Variants in ATP8A2 observed in about 807,000 individuals in gnomAD.
ATP8A2 encodes ATPase phospholipid transporting 8A2, also known as phospholipid-transporting ATPase IB.
A neutral mutation model predicts 165.6 loss-of-function variants in ATP8A2; 100 were observed. The observed-to-expected ratio is 0.60, with a 90% CI of 0.51 to 0.71. The LOEUF is 0.71. Ranked by LOEUF, ATP8A2 falls within the 30% of genes least tolerant of loss-of-function variation. ATP8A2 has a pLI of 0.00. For synonymous variants in ATP8A2, 543 were observed against 548.8 expected (o/e 0.99, Z 0.15); for missense variants, 1,227 against 1,479.5 (o/e 0.83, Z 2.80).
intron 1 of ATP8A2, among the ~76,000 whole-genome samples, chr13:25,463,332 A>G (rs967283232): frequency 6.6e-6 from 1 of 152,030 alleles, no homozygotes; most frequent in Non-Finnish European, 1.5e-5. Context: ...TTTCATGTTT[A>G]ATCCCTTATT....
chr13:25,550,553 C>G lies in ATP8A2; in HGVS notation c.892-785C>G, dbSNP rs538741813. Among the ~76,000 whole-genome samples, 8 of 152,298 alleles carry G rather than the reference C, an allele frequency of 5.3e-5. No individual in the cohort carries two copies. In the South Asian group the frequency reaches 1.7e-3, roughly 32 times the overall value. On this transcript the variant is annotated intron_variant, in intron 10 of 36. Coordinates refer to ENST00000381655, the MANE Select transcript of ATP8A2 (RefSeq NM_016529.6). ...TTGAATCTAGCCTTAATGAATCTTT[C>G]TATACTCTCCTGCCAACACTGGCCT...
intron 27 of ATP8A2, among the ~76,000 whole-genome samples, chr13:25,788,902 A>G (rs2045098500): frequency 6.6e-6 from 1 of 152,212 alleles, no homozygotes; most frequent in Non-Finnish European, 1.5e-5. Flanking sequence ...TGGTATTTAT[A>G]GATTTCATTA....
chr13:25,860,977 T>A (rs767609544), intron 32 of ATP8A2, 117 bp downstream of exon 32: 39 of 753,852 alleles, frequency 5.2e-5, no homozygotes, highest in Non-Finnish European at 8.4e-5. Flanking sequence ...TCAGATTTTC[T>A]GTGTAAAAAT....
chr13:25,926,967 A>G, intron 33 of ATP8A2: 1 of 351,434 alleles, frequency 2.8e-6, no homozygotes, highest in South Asian at 2.1e-5. Flanking sequence ...TGGGAGGGCC[A>G]CAGGCAGATA....
rs935225827 is a variant in ATP8A2, at chr13:26,022,456, A to G, written c.*2471A>G. 5 of 152,222 alleles carry G rather than the reference A, an allele frequency of 3.3e-5. No individual in the cohort carries two copies. The highest frequency in any genetic ancestry group is 7.3e-5 in the Non-Finnish European group (5 of 68,048). 9.4% of individuals were successfully genotyped at this position (152,222 alleles called of 1,614,324 possible). A position where few individuals can be genotyped will look rare whatever the true frequency, so the allele number is the denominator to read the frequency against. On this transcript the variant is annotated 3_prime_UTR_variant, in exon 37 of 37. Transcript: ENST00000381655. ...TTCATATTTTCTGGGATTTAAGGATACAGGTGTATTTTCCTATTCTCTTGA... is the reference window on the plus strand; with the variant it reads ...TTCATATTTTCTGGGATTTAAGGATGCAGGTGTATTTTCCTATTCTCTTGA...
At chr13:25,747,957 G>A (rs1277085250) in intron 25 of ATP8A2, among the ~76,000 whole-genome samples, 5 of 130,868 alleles carry the variant, frequency 3.8e-5, no homozygotes, top group Non-Finnish European at 8.1e-5. Context: ...GACATTTATT[G>A]GGTTTTAAAA....
chr13:25,516,193 G>A (rs1236765284), intron 2 of ATP8A2, among the ~76,000 whole-genome samples: 2 of 152,152 alleles, frequency 1.3e-5, no homozygotes, highest in Non-Finnish European at 2.9e-5. Flanking sequence ...TTTCCATCCA[G>A]ATCTTATTTG....
chr13:26,018,937 A>G (rs115142074), intron 36 of ATP8A2, among the ~76,000 whole-genome samples: 73 of 152,294 alleles, frequency 4.8e-4, no homozygotes, highest in African/African-American at 1.7e-3. Context: ...CTTGGCTATT[A>G]TTTATTTTAT....
chr13:25,384,909 G>A (rs1337717930), intron 1 of ATP8A2, among the ~76,000 whole-genome samples: 7 of 152,204 alleles, frequency 4.6e-5, no homozygotes, highest in Admixed American at 4.6e-4. Context: ...AGGGCTGTGT[G>A]ACACTGCCTT....
At position 25,761,861 on chromosome 13, in the gene ATP8A2, G is replaced by A. The variant is rs1465610168; in HGVS notation, c.2385-7185G>A. Among the ~76,000 whole-genome samples, 7 of 151,920 alleles carry A rather than the reference G, an allele frequency of 4.6e-5. No individual in the cohort carries two copies. The South Asian group carries it at 8.3e-4, about 18-fold the overall frequency. On this transcript the variant is annotated intron_variant, in intron 25 of 36. Transcript: ENST00000381655. Reference sequence around the variant, plus strand: ...TGGGGGTGAGCTTTTAATAGTTGAAGCATTATGATCTAAAGAGGCCAGGAA... The same window carrying A: ...TGGGGGTGAGCTTTTAATAGTTGAAACATTATGATCTAAAGAGGCCAGGAA...
chr13:25,963,393 C>CAAAAAAAAAAAAAAAAAAAAAA (rs763926807), intron 34 of ATP8A2, among the ~76,000 whole-genome samples: 3 of 115,378 alleles, frequency 2.6e-5, no homozygotes, highest in Non-Finnish European at 3.7e-5. Flanking sequence ...GACTCCGTCT[C>CAAAAAAAAAAAAAAAAAAAAAA]AAAAAAAAAA....
chr13:25,501,700 C>A (rs183183880), intron 2 of ATP8A2, among the ~76,000 whole-genome samples: 58 of 152,282 alleles, frequency 3.8e-4, no homozygotes, highest in African/African-American at 9.9e-4. Context: ...CAAATGGAGA[C>A]AAGACACACA....
intron 24 of ATP8A2, among the ~76,000 whole-genome samples, chr13:25,620,318 T>C (rs76026907): frequency 1.7e-3 from 253 of 152,214 alleles, no homozygotes; most frequent in Non-Finnish European, 2.8e-3. Context: ...GAATGCCATT[T>C]TCAATGCTGA....
chr13:25,421,870 G>T (rs1297440623), intron 1 of ATP8A2, among the ~76,000 whole-genome samples: 1 of 152,132 alleles, frequency 6.6e-6, no homozygotes, highest in Non-Finnish European at 1.5e-5. Flanking sequence ...ACTGATAAAG[G>T]CAACATCAGA....
chr13:25,423,232 T>C (rs2138111081), intron 1 of ATP8A2, among the ~76,000 whole-genome samples: 1 of 152,288 alleles, frequency 6.6e-6, no homozygotes, highest in African/African-American at 2.4e-5. Flanking sequence ...AAAAATTAAT[T>C]AGATCAGATT....
At chr13:25,388,674 G>T (rs1593240801) in intron 1 of ATP8A2, among the ~76,000 whole-genome samples, 1 of 152,114 alleles carries the variant, frequency 6.6e-6, no homozygotes, top group East Asian at 1.9e-4. Flanking sequence ...GTGTGGCACC[G>T]GGCTGTCTGC....
At chr13:25,904,871 C>A (rs1593535791) in intron 33 of ATP8A2, among the ~76,000 whole-genome samples, 1 of 152,294 alleles carries the variant, frequency 6.6e-6, no homozygotes, top group East Asian at 1.9e-4. Flanking sequence ...AGTTCTTTTA[C>A]CCTCAGTGTC....
chr13:25,919,163 C>G (rs371492451), intron 33 of ATP8A2, among the ~76,000 whole-genome samples: 7 of 152,048 alleles, frequency 4.6e-5, no homozygotes, highest in African/African-American at 1.7e-4. Flanking sequence ...TGTTCTTTTC[C>G]AAAAGTATAC....
At chr13:25,976,240 G>A (rs960028979) in intron 35 of ATP8A2, among the ~76,000 whole-genome samples, 1 of 152,012 alleles carries the variant, frequency 6.6e-6, no homozygotes, top group African/African-American at 2.4e-5. Context: ...TGTCTTCCTG[G>A]TTTTTAATGC....
Sources: allele counts gnomAD v4.1 joint callset (sites outside exome capture counted in the v4.1 genomes callset), GRCh38; gene constraint gnomAD v4.1.1; transcripts MANE v1.5; gene names NCBI Gene and HGNC (gene_info 2026-07-23, HGNC 2026-07-21).